RUNDC3A: variants seen among roughly 807,000 people sequenced by gnomAD.
The protein encoded by RUNDC3A is RUN domain containing 3A.
RUNDC3A carries 28 observed loss-of-function variants against 53.9 expected under a neutral mutation model. The ratio of observed to expected loss-of-function variants is 0.52; its 90% CI spans 0.38 to 0.71. The LOEUF (loss-of-function observed/expected upper bound fraction) is 0.71. Ranked by LOEUF, RUNDC3A falls within the 30% of genes least tolerant of loss-of-function variation. The pLI, the probability that RUNDC3A is intolerant of heterozygous loss-of-function variation, is 0.00. For synonymous variants in RUNDC3A, 232 were observed against 249.4 expected, an observed-to-expected ratio of 0.93 and a Z score of 0.66; for missense variants, 491 against 597.3, an observed-to-expected ratio of 0.82 and a Z score of 1.85.
chr17:44,314,959 G>A lies in RUNDC3A; in HGVS notation c.579G>A (p.Gly193=). The change falls in exon 6 of 11, where the codon GGG becomes GGA. Residue 193 remains glycine, a synonymous_variant. Coordinates refer to ENST00000426726, the MANE Select transcript of RUNDC3A (RefSeq NM_001144825.2). Reference sequence around the variant, plus strand: ...GTCTAAAGGGGGAAGTCCTGGACGGGAAGACCCCCGTGGTCATCGATTACA... The same window carrying A: ...GTCTAAAGGGGGAAGTCCTGGACGGAAAGACCCCCGTGGTCATCGATTACA... ...SFCLKGEVLD[G]KTPVVIDYTP... The A allele has an allele frequency of 1.2e-6, 2 of 1,614,026 alleles. No homozygotes were observed. The highest frequency in any genetic ancestry group is 1.7e-6 in the Non-Finnish European group (2 of 1,179,894).
At chr17:44,314,676 G>GT (rs2047817767) in intron 4 of RUNDC3A, 59 bp from the exon 5 acceptor site, 6 of 519,304 alleles carry the variant, frequency 1.2e-5, no homozygotes, top group East Asian at 1.0e-4. Flanking sequence ...AGCAGCTCTG[G>GT]GGGGGGGGGG....
At chr17:44,309,320 C>T (rs2047704724) in intron 1 of RUNDC3A, among the ~76,000 whole-genome samples, 1 of 152,140 alleles carries the variant, frequency 6.6e-6, no homozygotes, top group Admixed American at 6.5e-5. Context: ...TCCAAGCATA[C>T]CCTCATTGAC....
chr17:44,309,576 T>A (rs1297524648), intron 1 of RUNDC3A, among the ~76,000 whole-genome samples: 1 of 152,046 alleles, frequency 6.6e-6, no homozygotes, highest in Non-Finnish European at 1.5e-5. Context: ...AGATTCTCCG[T>A]GATTGCGGGG....
In RUNDC3A at chr17:44,315,620, G is replaced by T; in HGVS notation, c.953+11G>T. 2 of 1,457,470 alleles carry T rather than the reference G, an allele frequency of 1.4e-6. No individual in the cohort carries two copies. Among genetic ancestry groups the T allele is most frequent in the Non-Finnish European group, 1.8e-6 (2 of 1,098,762 alleles). 90.3% of individuals were successfully genotyped at this position (1,457,470 alleles called of 1,614,324 possible). ...GCTGCAGGAGCAGCTGTGAGCGCAC[G>T]GCCTGCCCTAACCCCTGACCCCCGC... On this transcript the variant is annotated intron_variant, in intron 8 of 10. Coordinates refer to ENST00000426726, the MANE Select transcript of RUNDC3A (RefSeq NM_001144825.2). This position sits in a 1 kb window ranked among gnomAD's most constrained non-coding sequence, Gnocchi z 6.1.
intron 10 of RUNDC3A, chr17:44,317,109 G>A (rs571102001): frequency 5.0e-6 from 2 of 400,198 alleles, no homozygotes; most frequent in Non-Finnish European, 9.1e-6. Flanking sequence ...GCCTCCCAAA[G>A]TGCTGGGATT....
chr17:44,311,391 G>C, intron 1 of RUNDC3A: 2 of 965,630 alleles, frequency 2.1e-6, no homozygotes, highest in East Asian at 1.1e-4. Flanking sequence ...ATACCTGCTT[G>C]ACTACTCATA....
Position 44,315,795 on chromosome 17 carries a change from A to G in RUNDC3A, c.953+186A>G. The G allele has an allele frequency of 4.2e-6, 2 of 479,052 alleles. No individual in the cohort carries two copies. The highest frequency in any genetic ancestry group is 6.9e-6 in the Non-Finnish European group (2 of 290,854). 29.7% of individuals were successfully genotyped at this position (479,052 alleles called of 1,614,324 possible). A position where few individuals can be genotyped will look rare whatever the true frequency, so the allele number is the denominator to read the frequency against. ...ACAATGATCTTCTAACATTGCCCCCAGCATAAGATCCAGTGACTTCCAACA... is the reference window on the plus strand; with the variant it reads ...ACAATGATCTTCTAACATTGCCCCCGGCATAAGATCCAGTGACTTCCAACA... On this transcript the variant is annotated intron_variant, in intron 8 of 10. Coordinates refer to ENST00000426726, the MANE Select transcript of RUNDC3A (RefSeq NM_001144825.2). This position sits in a 1 kb window ranked among gnomAD's most constrained non-coding sequence, Gnocchi z 6.1.
intron 1 of RUNDC3A, among the ~76,000 whole-genome samples, chr17:44,309,197 G>A (rs904815029): frequency 6.6e-6 from 1 of 152,014 alleles, no homozygotes; most frequent in African/African-American, 2.4e-5. Context: ...GTAGCTTCCT[G>A]TGAGAACCAG....
intron 1 of RUNDC3A, chr17:44,310,898 T>A: frequency 1.9e-5 from 19 of 985,406 alleles, no homozygotes; most frequent in Non-Finnish European, 2.3e-5. Flanking sequence ...ACAGGCTGGC[T>A]CTCAGCAGGG....
chr17:44,317,347 T>G, intron 10 of RUNDC3A: 1 of 716,750 alleles, frequency 1.4e-6, no homozygotes, highest in Non-Finnish European at 2.6e-6. Context: ...TGGTGAGGGC[T>G]CAGTGGTTTT....
chr17:44,315,174 G>C lies in RUNDC3A; in HGVS notation c.649G>C (p.Glu217Gln), dbSNP rs774831581. Residue 217 changes from glutamate (E) to glutamine (Q), a missense_variant, in exon 7 of 11, where the codon GAG (glutamate) becomes CAG (glutamine). Coordinates refer to ENST00000426726, the MANE Select transcript of RUNDC3A (RefSeq NM_001144825.2). The surrounding 1 kb of genome is among the most constrained non-coding windows in gnomAD (Gnocchi z 6.1). ...FTQSYDYLTD[E>Q]EERHSAESST... is the part of the protein sequence containing the mutation. Reference sequence around the variant, plus strand: ...CCCAAGCTACGACTACCTGACGGACGAGGAGGAGCGGCACAGCGCCGAGAG... The same window carrying C: ...CCCAAGCTACGACTACCTGACGGACCAGGAGGAGCGGCACAGCGCCGAGAG... 2 of 1,566,398 alleles carry C rather than the reference G, an allele frequency of 1.3e-6. No individual in the cohort carries two copies. The highest frequency in any genetic ancestry group is 1.7e-6 in the Non-Finnish European group (2 of 1,155,510).
At position 44,313,651 on chromosome 17, in the gene RUNDC3A, G is replaced by A. The variant is rs940740760; in HGVS notation, c.458+148G>A. The A allele has an allele frequency of 8.9e-6, 12 of 1,355,136 alleles. No homozygotes were observed. In the African/African-American group the frequency reaches 1.7e-4, roughly 19 times the overall value. The allele number at this position is 1,355,136 out of a possible 1,614,324, so 83.9% of individuals were successfully genotyped here. ...ACACATGGCTGATTTCCCTCTTCCA[G>A]CCTGGCCTGCAGTCCCAGGACGAAC... is the stretch of plus-strand genomic sequence containing the variant. On this transcript the variant is annotated intron_variant, in intron 4 of 10. Coordinates refer to ENST00000426726, the MANE Select transcript of RUNDC3A (RefSeq NM_001144825.2).
intron 1 of RUNDC3A, chr17:44,310,980 A>G (rs1261333471): frequency 1.0e-6 from 1 of 985,332 alleles, no homozygotes; most frequent in African/African-American, 1.7e-5. Flanking sequence ...CCTTCTCCCA[A>G]CCCTGCCTGG....
In RUNDC3A at chr17:44,312,617, G is replaced by T; in HGVS notation, c.145G>T (p.Glu49Ter). The T allele has an allele frequency of 6.3e-7, 1 of 1,583,244 alleles. No individual in the cohort carries two copies. The change falls in exon 2 of 11, where the codon GAG (glutamate) becomes TAG (stop). Residue 49 changes from glutamate to a stop codon, truncating the protein, a stop_gained. Coordinates refer to ENST00000426726, the MANE Select transcript of RUNDC3A (RefSeq NM_001144825.2). LOFTEE classifies it high-confidence loss of function. Reference protein sequence around the residue: ...VKTLLEKYTAEPIDDSSEEFV... With the variant: ...VKTLLEKYTA Reference sequence around the variant, plus strand: ...AACGCTGCTGGAGAAGTACACAGCGGAGCCCATCGATGACTCATCGGAGGA... The same window carrying T: ...AACGCTGCTGGAGAAGTACACAGCGTAGCCCATCGATGACTCATCGGAGGA...
In RUNDC3A at chr17:44,316,529, C is replaced by T. The variant is rs746090324; in HGVS notation, c.1091+7C>T. ...ACTCCAAGCTCTACCGGAGGTAAGC[C>T]CCAGCCAGGTGGGGCTTGGGCCTGA... On this transcript the variant is annotated splice_region_variant and intron_variant, in intron 9 of 10. Transcript: ENST00000426726. The T allele has an allele frequency of 1.9e-6, 3 of 1,610,908 alleles. No individual in the cohort carries two copies. The highest frequency in any genetic ancestry group is 2.5e-6 in the Non-Finnish European group (3 of 1,178,814).
chr17:44,317,337 T>G, intron 10 of RUNDC3A: 1 of 698,882 alleles, frequency 1.4e-6, no homozygotes, highest in Non-Finnish European at 2.7e-6. Context: ...TGTTGTCACA[T>G]GGTGAGGGCT....
At chr17:44,317,395 G>C (rs527474924) in intron 10 of RUNDC3A, 49 of 772,096 alleles carry the variant, frequency 6.3e-5, no homozygotes, top group Non-Finnish European at 1.1e-4. Context: ...ACAAACTCTC[G>C]GGGAACTCCT....
intron 4 of RUNDC3A, chr17:44,314,400 A>C (rs1326631522): frequency 6.9e-6 from 8 of 1,161,066 alleles, no homozygotes; most frequent in Non-Finnish European, 8.5e-6. Context: ...TACACGTTTC[A>C]AGTTAACACG....
intron 2 of RUNDC3A, 54 bp downstream of exon 2, chr17:44,312,749 T>G: frequency 2.9e-5 from 12 of 407,438 alleles, no homozygotes; most frequent in East Asian, 2.4e-4. Flanking sequence ...CCTCCCCCAG[T>G]GGTCCCTCCC....
Sources: allele counts gnomAD v4.1 joint callset (sites outside exome capture counted in the v4.1 genomes callset), GRCh38; gene constraint gnomAD v4.1.1; non-coding constraint Gnocchi (gnomAD v3.1); transcripts MANE v1.5; gene names NCBI Gene and HGNC (gene_info 2026-07-23, HGNC 2026-07-21).